The following SNX29 variants were observed in gnomAD, a reference collection of about 807,000 sequenced individuals.
The protein encoded by SNX29 is sorting nexin 29.
A neutral mutation model predicts 102.1 loss-of-function variants in SNX29; 78 were observed. The observed-to-expected ratio is 0.76, with a 90% CI of 0.64 to 0.92. SNX29 has a LOEUF of 0.92. SNX29 is among the 40% of genes least tolerant of loss of function. The pLI is 0.00. For missense variants in SNX29, 1,280 were observed against 1,061.7 expected (o/e 1.21, Z -2.86); for synonymous variants, 580 against 414.5 (o/e 1.40, Z -4.85).
chr16:12,128,222 TG>T, intron 12 of SNX29, among the ~76,000 whole-genome samples: 1 of 152,360 alleles, frequency 6.6e-6, no homozygotes, highest in East Asian at 1.9e-4. Context: ...CAGCTGGGGC[TG>T]TTATCTTGGA....
At chr16:12,331,497 G>A (rs1301223911) in intron 15 of SNX29, among the ~76,000 whole-genome samples, 1 of 152,186 alleles carries the variant, frequency 6.6e-6, no homozygotes, top group South Asian at 2.1e-4. Context: ...GTTCCTTAAT[G>A]TCTCTGAGCC....
chr16:12,101,786 C>T (rs1022304994), intron 11 of SNX29, among the ~76,000 whole-genome samples: 3 of 152,128 alleles, frequency 2.0e-5, no homozygotes, highest in Non-Finnish European at 4.4e-5. Context: ...TTTAAATATA[C>T]TTTAAGTTCT....
chr16:12,346,167 T>C (rs1369656763), intron 15 of SNX29, among the ~76,000 whole-genome samples: 1 of 151,938 alleles, frequency 6.6e-6, no homozygotes, highest in African/African-American at 2.4e-5. Flanking sequence ...AGGGAGGCGG[T>C]GGTGTTTGTC....
chr16:12,256,058 C>T (rs1207786382), intron 14 of SNX29, among the ~76,000 whole-genome samples: 3 of 152,154 alleles, frequency 2.0e-5, no homozygotes, highest in African/African-American at 4.8e-5. Flanking sequence ...TATTTTATAA[C>T]AGCCATCTTA....
chr16:12,089,213 TC>T (rs763805412), intron 11 of SNX29, among the ~76,000 whole-genome samples: 59 of 150,252 alleles, frequency 3.9e-4, no homozygotes, highest in Non-Finnish European at 6.8e-4. Flanking sequence ...TGCCTGTAGT[TC>T]CAGCTACTTG....
intron 14 of SNX29, among the ~76,000 whole-genome samples, chr16:12,272,343 C>G (rs2079115387): frequency 6.6e-6 from 1 of 152,180 alleles, no homozygotes; most frequent in Non-Finnish European, 1.5e-5. Context: ...GACCTCCTTG[C>G]AGAGGGCAGC....
intron 14 of SNX29, among the ~76,000 whole-genome samples, chr16:12,206,235 A>G (rs930870372): frequency 1.3e-5 from 2 of 152,232 alleles, no homozygotes; most frequent in Non-Finnish European, 2.9e-5. Flanking sequence ...ATACAAGAGA[A>G]GTCCAGGAGT....
rs531733456 is a variant in SNX29, at chr16:12,535,397, A to C, written c.2318+10556A>C. Among the ~76,000 whole-genome samples, 78 of 152,258 alleles carry C rather than the reference A, an allele frequency of 5.1e-4. 1 individual carries two copies. The highest frequency in any genetic ancestry group is 1.8e-3 in the African/African-American group (74 of 41,538). On this transcript the variant is annotated intron_variant, in intron 20 of 20. Coordinates refer to ENST00000566228, the MANE Select transcript of SNX29 (RefSeq NM_032167.5). ...GTGATTCACCCATCTCGGCCTCCCA[A>C]AGTGCTGGGATTACATGAGCCACTG...
chr16:12,287,385 AT>A (rs896870174), intron 15 of SNX29, among the ~76,000 whole-genome samples: 12 of 150,852 alleles, frequency 8.0e-5, no homozygotes, highest in East Asian at 1.9e-4. Context: ...TTTTTTTTAA[AT>A]TTTTTTTTTA....
chr16:12,279,378 TG>T lies in SNX29; in HGVS notation c.1782+1343del, dbSNP rs529467630. The stretch of plus-strand genomic sequence containing the variant: ...AAGGAAGGTGGCTTTAGAAACAGCT[TG>T]CATTCTAACTCAGGTGAGCTCAAGG... On this transcript the variant is annotated intron_variant, in intron 15 of 20. Coordinates refer to ENST00000566228, the MANE Select transcript of SNX29 (RefSeq NM_032167.5). 1.7e-3 allele frequency among the ~76,000 whole-genome samples: 259 copies of T among 152,340 alleles called. 2 individuals carry two copies. Among genetic ancestry groups the T allele is most frequent in the African/African-American group, 5.9e-3 (247 of 41,572 alleles).
chr16:12,193,439 A>G (rs1004828575), intron 13 of SNX29, among the ~76,000 whole-genome samples: 10 of 144,456 alleles, frequency 6.9e-5, no homozygotes, highest in African/African-American at 2.5e-4. Context: ...ACTGCACTCC[A>G]GCCTGGGCAA....
chr16:12,028,625 A>C (rs190182981), intron 4 of SNX29, among the ~76,000 whole-genome samples: 1 of 151,838 alleles, frequency 6.6e-6, no homozygotes, highest in East Asian at 2.0e-4. Flanking sequence ...CAGCCTGCCA[A>C]CTAGCTGGGA....
At chr16:12,056,590 GTC>G (rs888209510) in intron 8 of SNX29, among the ~76,000 whole-genome samples, 1 of 152,190 alleles carries the variant, frequency 6.6e-6, no homozygotes, top group African/African-American at 2.4e-5. Context: ...TTGCCACAGT[GTC>G]TGGCAGAGTC....
chr16:12,299,510 A>G (rs2080093199), intron 15 of SNX29, among the ~76,000 whole-genome samples: 1 of 152,108 alleles, frequency 6.6e-6, no homozygotes, highest in Non-Finnish European at 1.5e-5. Context: ...CTTGTACTTC[A>G]TGCCCCAGAC....
intron 1 of SNX29, among the ~76,000 whole-genome samples, chr16:11,989,699 A>AT (rs2150983508): frequency 6.6e-6 from 1 of 152,274 alleles, no homozygotes; most frequent in South Asian, 2.1e-4. Context: ...GATGGGAGAG[A>AT]GTTCGTGAGG....
chr16:12,267,059 C>T (rs1475821098), intron 14 of SNX29, among the ~76,000 whole-genome samples: 2 of 152,192 alleles, frequency 1.3e-5, no homozygotes, highest in East Asian at 1.9e-4. Context: ...TCTGCGCAGC[C>T]CAGTCTGTAC....
intron 20 of SNX29, among the ~76,000 whole-genome samples, chr16:12,564,230 G>GAGA (rs2078893579): frequency 6.6e-6 from 1 of 151,920 alleles, no homozygotes; most frequent in African/African-American, 2.4e-5. Flanking sequence ...ATCTCTAAGA[G>GAGA]AAAAAAATCT....
intron 20 of SNX29, among the ~76,000 whole-genome samples, chr16:12,538,687 G>C (rs2141229035): frequency 6.6e-6 from 1 of 152,238 alleles, no homozygotes; most frequent in African/African-American, 2.4e-5. Context: ...CTCCTCCCAG[G>C]ACCAGTGGGC....
intron 18 of SNX29, among the ~76,000 whole-genome samples, chr16:12,437,182 A>G (rs2085576695): frequency 6.6e-6 from 1 of 152,212 alleles, no homozygotes; most frequent in African/African-American, 2.4e-5. Flanking sequence ...AGCCCAAATG[A>G]ATGTGGTATG....
Sources: allele counts gnomAD v4.1 joint callset (sites outside exome capture counted in the v4.1 genomes callset), GRCh38; gene constraint gnomAD v4.1.1; transcripts MANE v1.5; gene names NCBI Gene and HGNC (gene_info 2026-07-23, HGNC 2026-07-21).